The following DENND6B variants were observed in gnomAD, a reference collection of about 807,000 sequenced individuals.
DENND6B encodes DENN domain containing 6B, also known as protein DENND6B.
DENND6B carries 73 observed loss-of-function variants against 85.1 expected under a neutral mutation model. That is an observed-to-expected ratio of 0.86 (90% CI 0.71 to 1.04). DENND6B has a LOEUF of 1.04. Ranked by LOEUF, DENND6B falls within the 50% of genes least tolerant of loss-of-function variation. The probability of loss-of-function intolerance (pLI) is 0.00; values close to 1 mark genes in which losing one functional copy is unlikely to be tolerated. For missense variants in DENND6B, 715 were observed against 785.8 expected, an observed-to-expected ratio of 0.91 and a Z score of 1.08; for synonymous variants, 357 against 329.3, an observed-to-expected ratio of 1.08 and a Z score of -0.91.
intron 1 of DENND6B, among the ~76,000 whole-genome samples, chr22:50,326,047 TC>T (rs1280456755): frequency 6.6e-6 from 1 of 152,212 alleles, no homozygotes; most frequent in Non-Finnish European, 1.5e-5. Flanking sequence ...CAGGTGGGCC[TC>T]CCCTGTGCTG....
At chr22:50,319,534 C>T in intron 1 of DENND6B, 9 of 984,454 alleles carry the variant, frequency 9.1e-6, no homozygotes, top group Non-Finnish European at 1.1e-5. Flanking sequence ...CCAGAGGCCC[C>T]CTCACCCGGG....
Position 50,314,283 on chromosome 22 carries a change from C to A in DENND6B, c.1073-11G>T. ...GCTTAGGCAGGTCTCCTACGAGACACGCCCGGTGGCCAGGCCTCAGTGCCC... is the reference window on the plus strand; with the variant it reads ...GCTTAGGCAGGTCTCCTACGAGACAAGCCCGGTGGCCAGGCCTCAGTGCCC... On this transcript the variant is annotated splice_polypyrimidine_tract_variant and intron_variant, in intron 12 of 19. Coordinates refer to ENST00000413817, the MANE Select transcript of DENND6B (RefSeq NM_001001794.4). The A allele has an allele frequency of 1.2e-6, 2 of 1,608,380 alleles. No individual in the cohort carries two copies. The highest frequency in any genetic ancestry group is 1.7e-5 in the Admixed American group (1 of 59,816).
intron 1 of DENND6B, among the ~76,000 whole-genome samples, chr22:50,320,471 T>C (rs2042009171): frequency 6.6e-6 from 1 of 152,234 alleles, no homozygotes; most frequent in South Asian, 2.1e-4. Context: ...TAAGTCTCTC[T>C]AAGGACCCTG....
chr22:50,313,527 C>G, intron 15 of DENND6B, 28 bp from the exon 16 acceptor site: 2 of 1,539,778 alleles, frequency 1.3e-6, no homozygotes, highest in Non-Finnish European at 1.8e-6. Flanking sequence ...GGGAGTGAGC[C>G]CGGGGACCCA....
intron 1 of DENND6B, among the ~76,000 whole-genome samples, chr22:50,326,420 G>C (rs1197487939): frequency 1.3e-5 from 2 of 152,220 alleles, no homozygotes; most frequent in African/African-American, 4.8e-5. Context: ...AGAAGGAGCC[G>C]TCAGCCTCGC....
At position 50,316,197 on chromosome 22, in the gene DENND6B, G is replaced by T. The variant is rs1182678308; in HGVS notation, c.616C>A (p.Pro206Thr). The stretch of plus-strand genomic sequence containing the variant: ...ACCTGGACAACAACGCCCATGACAG[G>T]TAGGTTCAGGGTCTGCCCAGGTGCA... ...APAPGQTLNL[P>T]VMGVVVQVRI... is the part of the protein sequence containing the mutation. Residue 206 changes from proline to threonine, a missense_variant, in exon 7 of 20, where the codon CCT becomes ACT. By Grantham distance (38) the Pro-to-Thr change is conservative (BLOSUM62 -1). Coordinates refer to ENST00000413817, the MANE Select transcript of DENND6B (RefSeq NM_001001794.4). The T allele has an allele frequency of 6.2e-7, 1 of 1,612,122 alleles. No homozygotes were observed. Among genetic ancestry groups the T allele is most frequent in the Admixed American group, 1.7e-5 (1 of 59,984 alleles).
chr22:50,311,644 A>C lies in DENND6B; in HGVS notation c.*495T>G, dbSNP rs145063833. 2.6e-4 allele frequency: 45 copies of C among 171,094 alleles called. No homozygotes were observed. The East Asian group carries it at 5.7e-3, about 22-fold the overall frequency. 10.6% of individuals were successfully genotyped at this position (171,094 alleles called of 1,614,324 possible). On this transcript the variant is annotated 3_prime_UTR_variant, in exon 20 of 20. Coordinates refer to ENST00000413817, the MANE Select transcript of DENND6B (RefSeq NM_001001794.4). ...GGTGAGCAGAGCTCTTCACACTGCA[A>C]AGTGGTCTCTCCCTTTCTCAAGTTG...
rs753501797 is a variant in DENND6B, at chr22:50,318,007, G to A, written c.273C>T (p.Asp91=). ...GGCGCATGCGGAAGCTGAACTGAGTGTCTCCAAGGCAGCCTAAGAAGGGGC... is the reference window on the plus strand; with the variant it reads ...GGCGCATGCGGAAGCTGAACTGAGTATCTCCAAGGCAGCCTAAGAAGGGGC... The part of the protein sequence containing the change: ...FPDSHSGCLG[D]TQFSFRMRQC... Residue 91 remains aspartate (D), a synonymous_variant, in exon 4 of 20, where the codon GAC becomes GAT. Transcript: ENST00000413817. The A allele has an allele frequency of 6.2e-7, 1 of 1,612,262 alleles. No homozygotes were observed.
chr22:50,314,049 G>A, intron 13 of DENND6B, 158 bp downstream of exon 13: 1 of 1,262,846 alleles, frequency 7.9e-7, no homozygotes, highest in Non-Finnish European at 1.1e-6. Context: ...CCACTGAAGA[G>A]AAGAGAGCGA....
chr22:50,314,444 T>C lies in DENND6B; in HGVS notation c.1028A>G (p.Gln343Arg). The change falls in exon 12 of 20, where the codon CAG (glutamine) becomes CGG (arginine). Residue 343 changes from glutamine to arginine, a missense_variant. Physicochemically the swap from Gln to Arg is conservative, Grantham distance 43 (BLOSUM62 1). Transcript: ENST00000413817. The part of the protein sequence containing the change: ...VTNPFFIKTL[Q>R]HWPHILRVGE... ...GACTCGGAGGATGTGGGGCCAGTGC[T>C]GGAGTGTTTTGATAAAGAAAGGGTT... 6 of 1,565,046 alleles carry C rather than the reference T, an allele frequency of 3.8e-6. No homozygotes were observed. Among genetic ancestry groups the C allele is most frequent in the Non-Finnish European group, 3.5e-6 (4 of 1,153,968 alleles).
intron 9 of DENND6B, 150 bp from the exon 10 acceptor site, chr22:50,315,071 G>A (rs976282994): frequency 1.7e-6 from 2 of 1,171,086 alleles, no homozygotes; most frequent in South Asian, 1.6e-5. Context: ...CTGAAGATGT[G>A]TCTCGGGTAA....
Position 50,313,479 on chromosome 22 carries a change from G to C in DENND6B, c.1314C>G (p.Leu438=), listed in dbSNP as rs1359478882. ...IIPLEHYMAS[L]MPLQKSITPW... The stretch of plus-strand genomic sequence containing the variant: ...GCGTGATGCTCTTCTGCAGGGGCAT[G>C]AGGCTGGCCATGTAGTGCTCCTGGG... The change falls in exon 16 of 20, where the codon CTC becomes CTG. Residue 438 remains leucine (L), a synonymous_variant. Coordinates refer to ENST00000413817, the MANE Select transcript of DENND6B (RefSeq NM_001001794.4). 6.4e-7 allele frequency: 1 copy of C among 1,553,054 alleles called. No individual in the cohort carries two copies. The highest frequency in any genetic ancestry group is 8.7e-7 in the Non-Finnish European group (1 of 1,149,070).
chr22:50,325,759 T>C (rs1349762947), intron 1 of DENND6B, among the ~76,000 whole-genome samples: 2 of 152,188 alleles, frequency 1.3e-5, no homozygotes, highest in Non-Finnish European at 2.9e-5. Context: ...CACCCAGTGA[T>C]GCTGTTTGAG....
intron 1 of DENND6B, among the ~76,000 whole-genome samples, chr22:50,325,718 C>T (rs2042171848): frequency 6.6e-6 from 1 of 152,180 alleles, no homozygotes. Context: ...CAACCCTGGG[C>T]AGGTCACCAC....
chr22:50,322,636 G>A (rs2042081530), intron 1 of DENND6B, among the ~76,000 whole-genome samples: 2 of 152,062 alleles, frequency 1.3e-5, no homozygotes, highest in Admixed American at 1.3e-4. Context: ...TGCAACCTTT[G>A]CCTCCCAGGT....
chr22:50,322,296 G>A (rs1158659667), intron 1 of DENND6B, among the ~76,000 whole-genome samples: 1 of 152,052 alleles, frequency 6.6e-6, no homozygotes, highest in East Asian at 1.9e-4. Context: ...GGATGGTCTT[G>A]ATCTCCTGAC....
chr22:50,316,815 A>C, intron 5 of DENND6B: 1 of 1,191,736 alleles, frequency 8.4e-7, no homozygotes. Context: ...GGTTGCCCTG[A>C]CACTGACAGT....
chr22:50,326,717 A>T, intron 1 of DENND6B, 95 bp downstream of exon 1: 3 of 1,117,726 alleles, frequency 2.7e-6, no homozygotes, highest in Non-Finnish European at 3.4e-6. Flanking sequence ...GGCCAGGGAG[A>T]GTGCGGGGCG....
intron 17 of DENND6B, 101 bp from the exon 18 acceptor site, chr22:50,312,726 G>T: frequency 2.2e-6 from 1 of 459,722 alleles, no homozygotes; most frequent in Non-Finnish European, 3.8e-6. Context: ...GGGGGCCATG[G>T]GGCTGACCCT....
Sources: allele counts gnomAD v4.1 joint callset (sites outside exome capture counted in the v4.1 genomes callset), GRCh38; gene constraint gnomAD v4.1.1; transcripts MANE v1.5; gene names NCBI Gene and HGNC (gene_info 2026-07-23, HGNC 2026-07-21).